BANK1: variants seen among roughly 807,000 people sequenced by gnomAD.
BANK1 encodes the protein B-cell scaffold protein with ankyrin repeats.
BANK1 carries 95 observed loss-of-function variants against 94.5 expected under a neutral mutation model. The observed-to-expected ratio is 1.00, with a 90% CI of 0.85 to 1.19. The LOEUF (loss-of-function observed/expected upper bound fraction) is 1.19. BANK1 is among the 50% of genes most tolerant of loss of function. BANK1 has a pLI of 0.00. For missense variants in BANK1, 987 were observed against 932.2 expected (o/e 1.06, Z -0.77); for synonymous variants, 334 against 308.4 (o/e 1.08, Z -0.87).
chr4:101,939,125 A>G (rs1578409955), intron 7 of BANK1, among the ~76,000 whole-genome samples: 1 of 151,718 alleles, frequency 6.6e-6, no homozygotes, highest in Admixed American at 6.6e-5. Flanking sequence ...TTCTTTCCCA[A>G]ATGGGTTCTG....
intron 6 of BANK1, among the ~76,000 whole-genome samples, chr4:101,910,152 G>T (rs550247637): frequency 1.3e-5 from 2 of 152,070 alleles, no homozygotes; most frequent in East Asian, 1.9e-4. Context: ...TTAAAATTCA[G>T]ATTGCTGCCA....
chr4:102,016,986 T>G (rs547337803), intron 7 of BANK1, among the ~76,000 whole-genome samples: 1 of 152,204 alleles, frequency 6.6e-6, no homozygotes, highest in Admixed American at 6.5e-5. Flanking sequence ...AAAAGCAAAT[T>G]TATAAAGATA....
intron 2 of BANK1, among the ~76,000 whole-genome samples, chr4:101,846,509 T>C (rs1035521258): frequency 6.6e-6 from 1 of 152,176 alleles, no homozygotes; most frequent in Non-Finnish European, 1.5e-5. Flanking sequence ...TAAGACTGGG[T>C]AATTTTTAAG....
At chr4:101,940,014 T>C (rs1723690726) in intron 7 of BANK1, among the ~76,000 whole-genome samples, 1 of 151,760 alleles carries the variant, frequency 6.6e-6, no homozygotes, top group African/African-American at 2.4e-5. Context: ...TATTGACCAT[T>C]TGATGCATCC....
chr4:102,068,937 T>G (rs1420720968), intron 13 of BANK1, among the ~76,000 whole-genome samples: 1 of 152,110 alleles, frequency 6.6e-6, no homozygotes, highest in African/African-American at 2.4e-5. Context: ...TTGCCAAAAT[T>G]GACTCAAAAA....
intron 2 of BANK1, among the ~76,000 whole-genome samples, chr4:101,834,948 A>T (rs1726768625): frequency 6.6e-6 from 1 of 152,142 alleles, no homozygotes; most frequent in African/African-American, 2.4e-5. Context: ...AAGACACAGT[A>T]ATTTATATTT....
At chr4:102,051,269 G>A (rs1728038013) in intron 11 of BANK1, among the ~76,000 whole-genome samples, 1 of 152,070 alleles carries the variant, frequency 6.6e-6, no homozygotes, top group African/African-American at 2.4e-5. Flanking sequence ...GTGGTCATTT[G>A]TACTCCATAA....
intron 8 of BANK1, 50 bp downstream of exon 8, chr4:102,021,642 A>C (rs1726905398): frequency 4.0e-6 from 3 of 743,792 alleles, no homozygotes; most frequent in Non-Finnish European, 5.9e-6. Context: ...TATATATATC[A>C]CATATATATG....
intron 7 of BANK1, among the ~76,000 whole-genome samples, chr4:101,933,468 G>A (rs1390569060): frequency 6.6e-6 from 1 of 151,520 alleles, no homozygotes; most frequent in Non-Finnish European, 1.5e-5. Context: ...GGGTTGTTAT[G>A]TCTGTAGCCT....
intron 2 of BANK1, among the ~76,000 whole-genome samples, chr4:101,845,210 A>G (rs1313018533): frequency 3.3e-5 from 5 of 152,126 alleles, no homozygotes; most frequent in Non-Finnish European, 7.4e-5. Flanking sequence ...CACATACCCC[A>G]TAAATATATA....
At chr4:101,949,727 C>G (rs1195924298) in intron 7 of BANK1, among the ~76,000 whole-genome samples, 1 of 152,056 alleles carries the variant, frequency 6.6e-6, no homozygotes. Flanking sequence ...AATAAATGTA[C>G]AAGATCAACA....
intron 15 of BANK1, 75 bp from the exon 16 acceptor site, chr4:102,073,609 G>A: frequency 7.3e-7 from 1 of 1,363,008 alleles, no homozygotes; most frequent in Non-Finnish European, 1.0e-6. Flanking sequence ...CTATAACTTT[G>A]TCATATTTCT....
chr4:101,878,737 A>G (rs1248535906), intron 5 of BANK1, among the ~76,000 whole-genome samples: 1 of 152,178 alleles, frequency 6.6e-6, no homozygotes, highest in African/African-American at 2.4e-5. Context: ...CAAAAATTTG[A>G]GATAGTATCA....
At chr4:102,038,829 T>G (rs996185331) in intron 10 of BANK1, among the ~76,000 whole-genome samples, 1 of 152,192 alleles carries the variant, frequency 6.6e-6, no homozygotes, top group Non-Finnish European at 1.5e-5. Context: ...AGATTTATAG[T>G]GGGATTTCCC....
intron 7 of BANK1, among the ~76,000 whole-genome samples, chr4:102,010,070 T>A (rs755148993): frequency 6.6e-6 from 1 of 151,728 alleles, no homozygotes; most frequent in Non-Finnish European, 1.5e-5. Flanking sequence ...ATCGAGACCA[T>A]CCTGGCTAAC....
chr4:101,798,085 A>G (rs999557487), intron 1 of BANK1, among the ~76,000 whole-genome samples: 2 of 152,210 alleles, frequency 1.3e-5, no homozygotes, highest in African/African-American at 4.8e-5. Flanking sequence ...GAACTGGCCC[A>G]AATTCTTTTG....
At position 102,072,419 on chromosome 4, in the gene BANK1, G is replaced by T; in HGVS notation, c.2298+19G>T. ...CAATAAGGTAGGTTGTATTTATTTTGATTTCTATAAAATGCAAAGAAATAA... is the reference window on the plus strand; with the variant it reads ...CAATAAGGTAGGTTGTATTTATTTTTATTTCTATAAAATGCAAAGAAATAA... On this transcript the variant is annotated intron_variant, in intron 15 of 16. Transcript: ENST00000322953. 1.3e-6 allele frequency: 2 copies of T among 1,530,460 alleles called. No individual in the cohort carries two copies. Among genetic ancestry groups the T allele is most frequent in the South Asian group, 2.3e-5 (2 of 86,532 alleles). 94.8% of individuals were successfully genotyped at this position (1,530,460 alleles called of 1,614,324 possible). A position where few individuals can be genotyped will look rare whatever the true frequency, so the allele number is the denominator to read the frequency against.
chr4:101,841,617 T>TTTATTA (rs34130720), intron 2 of BANK1, among the ~76,000 whole-genome samples: 40 of 149,860 alleles, frequency 2.7e-4, no homozygotes, highest in African/African-American at 6.6e-4. Flanking sequence ...GTAATAATCT[T>TTTATTA]TTATTATTAT....
intron 7 of BANK1, among the ~76,000 whole-genome samples, chr4:101,993,231 G>C (rs1266414835): frequency 6.6e-6 from 1 of 152,168 alleles, no homozygotes; most frequent in Non-Finnish European, 1.5e-5. Flanking sequence ...GAAATGGGAA[G>C]TAATTCTAAA....
Sources: gnomAD v4.1 joint callset for allele counts (sites outside exome capture counted in the v4.1 genomes callset) on GRCh38, gnomAD v4.1.1 for gene constraint, MANE v1.5 for transcripts, NCBI Gene and HGNC (gene_info 2026-07-23, HGNC 2026-07-21) for gene names.